Variants in MICAL3 observed in about 807,000 individuals in gnomAD.
MICAL3 encodes the protein microtubule associated monooxygenase, calponin and LIM domain containing 3, also known as [F-actin]-monooxygenase MICAL3.
Under a neutral mutation model 207.4 loss-of-function variants are expected in MICAL3, and 62 were observed. The ratio of observed to expected loss-of-function variants is 0.30; its 90% CI spans 0.24 to 0.37. MICAL3 has a LOEUF of 0.37. Ranked by LOEUF, MICAL3 falls within the 10% of genes least tolerant of loss-of-function variation. The probability of loss-of-function intolerance (pLI) is 1.00; values close to 1 mark genes in which losing one functional copy is unlikely to be tolerated. For missense variants in MICAL3, 2,368 were observed against 2,635.6 expected, an observed-to-expected ratio of 0.90 and a Z score of 2.22; for synonymous variants, 1,077 against 1,069.3, an observed-to-expected ratio of 1.01 and a Z score of -0.14.
chr22:17,990,314 C>T (rs1921529662), intron 1 of MICAL3, among the ~76,000 whole-genome samples: 1 of 152,198 alleles, frequency 6.6e-6, no homozygotes, highest in Admixed American at 6.5e-5. Flanking sequence ...CCTGTGCTGA[C>T]TCACTGGATA....
intron 21 of MICAL3, among the ~76,000 whole-genome samples, chr22:17,828,082 C>T (rs1400950402): frequency 6.6e-6 from 1 of 152,198 alleles, no homozygotes; most frequent in African/African-American, 2.4e-5. Context: ...AGGCTCCTTT[C>T]ATCCTGAGCT....
Position 17,895,438 on chromosome 22 carries a change from A to G in MICAL3, c.1323-28T>C, listed in dbSNP as rs201283170. On this transcript the variant is annotated intron_variant, in intron 9 of 31. Transcript: ENST00000441493. ...GCAATAACACAACAATATACTCAGA[A>G]TCGGGACCAGCACCATGAACATCTC... is the stretch of plus-strand genomic sequence containing the variant. 84 of 1,612,010 alleles carry G rather than the reference A, an allele frequency of 5.2e-5. 1 individual carries two copies. The African/African-American group carries it at 1.0e-3, about 19-fold the overall frequency.
At chr22:17,980,907 G>T (rs752615245) in intron 1 of MICAL3, 3 of 533,322 alleles carry the variant, frequency 5.6e-6, no homozygotes, top group South Asian at 4.2e-5. Context: ...CTGCACTTTC[G>T]CTGGGCCTGC....
In MICAL3 at chr22:17,823,039, A is replaced by G. The variant is rs1921814482; in HGVS notation, c.3215T>C (p.Leu1072Pro). 6.2e-7 allele frequency: 1 copy of G among 1,612,850 alleles called. No individual in the cohort carries two copies. The highest frequency in any genetic ancestry group is 8.5e-7 in the Non-Finnish European group (1 of 1,178,970). Reference protein sequence around the residue: ...ASGAPLDENDLEEDVDSEPAE... With the variant: ...ASGAPLDENDPEEDVDSEPAE... ...TGGTTCTGAGTCCACATCTTCCTCT[A>G]GGTCATTCTCATCCAATGGGGCTGC... Residue 1072 changes from leucine (L) to proline (P), a missense_variant, in exon 23 of 32, where the codon CTA becomes CCA. Around this residue, in one of 4 missense-constraint regions of MICAL3, gnomAD observed 1,770 missense variants for 1,863.2 expected, o/e 0.95. Transcript: ENST00000441493.
At chr22:17,950,166 A>ATTTTTTTTTTTTTTTTTTTTTT (rs10657913) in intron 1 of MICAL3, among the ~76,000 whole-genome samples, 12 of 144,006 alleles carry the variant, frequency 8.3e-5, no homozygotes, top group African/African-American at 3.2e-4. Flanking sequence ...ACAGCTGTCT[A>ATTTTTTTTTTTTTTTTTTTTTT]TTTTTTTTTT....
At chr22:17,911,827 G>A (rs1201144576) in intron 1 of MICAL3, among the ~76,000 whole-genome samples, 1 of 88,736 alleles carries the variant, frequency 1.1e-5, no homozygotes, top group Non-Finnish European at 2.0e-5. Context: ...GCAAGATCCT[G>A]TCTCAAAAAC....
chr22:17,937,706 A>G (rs1015657350), intron 1 of MICAL3, among the ~76,000 whole-genome samples: 3 of 152,216 alleles, frequency 2.0e-5, no homozygotes, highest in Non-Finnish European at 4.4e-5. Context: ...ATTGCTATCA[A>G]AAACAGATTG....
chr22:17,865,320 G>A (rs1017427463), intron 18 of MICAL3, among the ~76,000 whole-genome samples: 8 of 152,126 alleles, frequency 5.3e-5, no homozygotes, highest in Admixed American at 2.0e-4. Flanking sequence ...CCCTCAAGGG[G>A]GACTGACAGG....
At chr22:17,862,418 C>G in intron 19 of MICAL3, 1 of 469,242 alleles carries the variant, frequency 2.1e-6, no homozygotes. Flanking sequence ...CCACACCACA[C>G]CCGGCTAATT....
intron 29 of MICAL3, among the ~76,000 whole-genome samples, chr22:17,794,498 C>T (rs539276676): frequency 6.6e-6 from 1 of 152,372 alleles, no homozygotes; most frequent in East Asian, 1.9e-4. Flanking sequence ...ACGCTCACAC[C>T]TGCGCTCCTT....
At chr22:18,003,194 G>A (rs1486950249) in intron 1 of MICAL3, among the ~76,000 whole-genome samples, 1 of 151,206 alleles carries the variant, frequency 6.6e-6, no homozygotes, top group Non-Finnish European at 1.5e-5. Context: ...GTTGAAAGTC[G>A]ATAGACTTTC....
chr22:17,876,597 AG>A, intron 16 of MICAL3: 1 of 152,626 alleles, frequency 6.6e-6, no homozygotes, highest in East Asian at 1.9e-4. Context: ...AGGGAGACTC[AG>A]TAGCCCCCTG....
chr22:17,879,455 C>T (rs1929213600), intron 16 of MICAL3: 1 of 1,491,650 alleles, frequency 6.7e-7, no homozygotes, highest in Non-Finnish European at 9.2e-7. Context: ...TCTATTTGGA[C>T]CTACTAAACG....
At position 17,900,741 on chromosome 22, in the gene MICAL3, G is replaced by C. The variant is rs1931252063; in HGVS notation, c.847+101C>G. On this transcript the variant is annotated intron_variant, in intron 6 of 31. Coordinates refer to ENST00000441493, the MANE Select transcript of MICAL3 (RefSeq NM_015241.3). The surrounding 1 kb of genome is among the most constrained non-coding windows in gnomAD (Gnocchi z 4.0). ...AGAGCAGGAGGGGCAGACAGTGCAGGAGGGACACCGACGGCCACTCACCCC... is the reference window on the plus strand; with the variant it reads ...AGAGCAGGAGGGGCAGACAGTGCAGCAGGGACACCGACGGCCACTCACCCC... 1 of 963,438 alleles carries C rather than the reference G, an allele frequency of 1.0e-6. No individual in the cohort carries two copies. The highest frequency in any genetic ancestry group is 1.6e-5 in the African/African-American group (1 of 61,630). The allele number at this position is 963,438 out of a possible 1,614,324, so 59.7% of individuals were successfully genotyped here. A position where few individuals can be genotyped will look rare whatever the true frequency, so the allele number is the denominator to read the frequency against.
At chr22:17,816,593 G>A (rs897127646) in intron 27 of MICAL3, 97 bp downstream of exon 27, 1 of 957,404 alleles carries the variant, frequency 1.0e-6, no homozygotes, top group East Asian at 2.6e-5. Flanking sequence ...TCCATCCCTG[G>A]CTTGCGGTTT....
chr22:17,926,014 G>A (rs192679640), intron 1 of MICAL3, among the ~76,000 whole-genome samples: 5 of 152,150 alleles, frequency 3.3e-5, no homozygotes, highest in African/African-American at 7.2e-5. Context: ...AAACATAAAC[G>A]CACAGGCATT....
chr22:17,957,626 G>A (rs546975622), intron 1 of MICAL3, among the ~76,000 whole-genome samples: 3 of 150,072 alleles, frequency 2.0e-5, no homozygotes, highest in East Asian at 3.9e-4. Flanking sequence ...CAGGAGAATC[G>A]CTTGAACCAG....
chr22:17,876,928 G>A (rs796104527), intron 16 of MICAL3: 3 of 56,500 alleles, frequency 5.3e-5, no homozygotes, highest in East Asian at 5.0e-4. Flanking sequence ...ATGGAGGTTA[G>A]GGAGGTTAGG....
intron 23 of MICAL3, 74 bp downstream of exon 23, chr22:17,822,873 G>A: frequency 2.0e-6 from 2 of 996,548 alleles, no homozygotes; most frequent in African/African-American, 1.6e-5. Context: ...CACTGAGCTT[G>A]ATTTTGCTGG....
Sources: allele counts gnomAD v4.1 joint callset (sites outside exome capture counted in the v4.1 genomes callset), GRCh38; gene constraint gnomAD v4.1.1; regional missense constraint gnomAD v4.1.1; non-coding constraint Gnocchi (gnomAD v3.1); transcripts MANE v1.5; gene names NCBI Gene and HGNC (gene_info 2026-07-23, HGNC 2026-07-21).